The following RAD51B variants were observed in gnomAD, a reference collection of about 807,000 sequenced individuals.
The protein encoded by RAD51B is RAD51 paralog B, also known as DNA repair protein RAD51 homolog 2.
A neutral mutation model predicts 42.2 loss-of-function variants in RAD51B; 38 were observed. The observed-to-expected ratio is 0.90, with a 90% CI of 0.70 to 1.18. The LOEUF is 1.18. Ranked by LOEUF, RAD51B falls within the 50% of genes most tolerant of loss-of-function variation. The pLI is 0.00. For synonymous variants in RAD51B, 154 were observed against 145.2 expected, an observed-to-expected ratio of 1.06 and a Z score of -0.43; for missense variants, 373 against 400.7, an observed-to-expected ratio of 0.93 and a Z score of 0.59.
intron 7 of RAD51B, among the ~76,000 whole-genome samples, chr14:68,118,303 T>C (rs2077584363): frequency 6.6e-6 from 1 of 152,208 alleles, no homozygotes; most frequent in Admixed American, 6.5e-5. Context: ...TTTAAATTTC[T>C]CCAATTTTCC....
At chr14:68,057,958 G>A (rs1412579016) in intron 7 of RAD51B, among the ~76,000 whole-genome samples, 2 of 151,600 alleles carry the variant, frequency 1.3e-5, no homozygotes, top group Non-Finnish European at 2.9e-5. Context: ...CTTTATAGTT[G>A]TATTTTTCTT....
intron 10 of RAD51B, among the ~76,000 whole-genome samples, chr14:68,523,144 G>A (rs1254273831): frequency 6.6e-6 from 1 of 152,202 alleles, no homozygotes; most frequent in Non-Finnish European, 1.5e-5. Flanking sequence ...CTTGGTCCCT[G>A]AAGTTCTTCC....
chr14:68,096,028 C>T (rs1159777995), intron 7 of RAD51B, among the ~76,000 whole-genome samples: 3 of 147,942 alleles, frequency 2.0e-5, no homozygotes, highest in Non-Finnish European at 4.5e-5. Context: ...AGTGATTTTT[C>T]GAGGGCCATA....
At chr14:68,548,964 T>G (rs1292097875) in intron 10 of RAD51B, among the ~76,000 whole-genome samples, 1 of 152,124 alleles carries the variant, frequency 6.6e-6, no homozygotes, top group Non-Finnish European at 1.5e-5. Context: ...ACCCCTTTGT[T>G]GAATAAAGAC....
At chr14:68,457,926 A>C (rs2085744296) in intron 9 of RAD51B, among the ~76,000 whole-genome samples, 1 of 150,270 alleles carries the variant, frequency 6.7e-6, no homozygotes, top group South Asian at 2.1e-4. Context: ...GGAATTATTA[A>C]CACTTTCAAA....
At chr14:68,066,594 T>C (rs528139542) in intron 7 of RAD51B, among the ~76,000 whole-genome samples, 7 of 152,218 alleles carry the variant, frequency 4.6e-5, no homozygotes, top group Non-Finnish European at 8.8e-5. Context: ...TACAGAAACA[T>C]ATTAGTCTTT....
intron 8 of RAD51B, among the ~76,000 whole-genome samples, chr14:68,295,451 G>A (rs2081595626): frequency 6.6e-6 from 1 of 152,176 alleles, no homozygotes; most frequent in South Asian, 2.1e-4. Flanking sequence ...GCGTGAGAGA[G>A]CACCTCCCAT....
chr14:68,175,071 A>G (rs2588815), intron 7 of RAD51B, among the ~76,000 whole-genome samples: 125,853 of 152,146 alleles, frequency 0.83, 52,263 homozygotes, highest in East Asian at 0.98. Flanking sequence ...TCAAACTATC[A>G]ATGACATAAA....
At chr14:68,630,563 G>A (rs948830653) in intron 10 of RAD51B, among the ~76,000 whole-genome samples, 2 of 152,184 alleles carry the variant, frequency 1.3e-5, no homozygotes, top group African/African-American at 2.4e-5. Flanking sequence ...TTTGTGATGC[G>A]ATACTAGCTG....
chr14:68,310,529 G>T (rs1403085615), intron 8 of RAD51B, among the ~76,000 whole-genome samples: 1 of 152,126 alleles, frequency 6.6e-6, no homozygotes, highest in Non-Finnish European at 1.5e-5. Flanking sequence ...AGGGTGTGAG[G>T]GGGAAGGGGG....
intron 7 of RAD51B, among the ~76,000 whole-genome samples, chr14:68,210,100 C>T (rs1041470271): frequency 6.6e-6 from 1 of 152,030 alleles, no homozygotes; most frequent in Non-Finnish European, 1.5e-5. Flanking sequence ...GCTAGGACAA[C>T]AGGCGTACGC....
At chr14:68,391,675 G>A (rs909117285) in intron 8 of RAD51B, among the ~76,000 whole-genome samples, 15 of 151,844 alleles carry the variant, frequency 9.9e-5, no homozygotes, top group Non-Finnish European at 2.1e-4. Flanking sequence ...GACTTTCAGG[G>A]GATATCTATT....
At chr14:67,893,495 C>G (rs868650185) in intron 7 of RAD51B, among the ~76,000 whole-genome samples, 17 of 77,608 alleles carry the variant, frequency 2.2e-4, no homozygotes, top group South Asian at 8.0e-4. Flanking sequence ...CACACACACA[C>G]ACACACACAC....
intron 7 of RAD51B, among the ~76,000 whole-genome samples, chr14:67,980,039 T>A (rs911544250): frequency 6.6e-6 from 1 of 152,180 alleles, no homozygotes; most frequent in African/African-American, 2.4e-5. Context: ...GAATTAATGG[T>A]TTTATCTTTG....
At chr14:68,587,909 G>A (rs904724191) in intron 10 of RAD51B, among the ~76,000 whole-genome samples, 1 of 152,230 alleles carries the variant, frequency 6.6e-6, no homozygotes, top group Non-Finnish European at 1.5e-5. Context: ...GGCAGACATG[G>A]TGCATTTAAA....
Position 67,868,978 on chromosome 14 carries a change from G to A in RAD51B, c.452+3839G>A, listed in dbSNP as rs576768985. Among the ~76,000 whole-genome samples, 500 of 152,334 alleles carry A rather than the reference G, an allele frequency of 3.3e-3. 1 individual carries two copies. The highest frequency in any genetic ancestry group is 0.011 in the African/African-American group (477 of 41,574). On this transcript the variant is annotated intron_variant, in intron 5 of 10. Transcript: ENST00000471583. ...GACCAAAAGTAGATAAAACCACAAA[G>A]ATGGGGAAAAAACAGAGCAGAAAAA...
At chr14:68,384,979 A>T (rs2083561816) in intron 8 of RAD51B, among the ~76,000 whole-genome samples, 2 of 152,202 alleles carry the variant, frequency 1.3e-5, no homozygotes, top group South Asian at 2.1e-4. Flanking sequence ...GGCTGGACAG[A>T]GTTACACAGC....
chr14:67,974,829 T>C (rs1165149953), intron 7 of RAD51B, among the ~76,000 whole-genome samples: 2 of 152,244 alleles, frequency 1.3e-5, no homozygotes, highest in African/African-American at 4.8e-5. Flanking sequence ...ATATCTCTTA[T>C]AATTTTTAAT....
chr14:67,868,131 C>T (rs532298066), intron 5 of RAD51B, among the ~76,000 whole-genome samples: 17 of 152,262 alleles, frequency 1.1e-4, no homozygotes, highest in South Asian at 4.1e-4. Flanking sequence ...CCAGCATGAG[C>T]GACGCAGAAG....
Sources: gnomAD v4.1 joint callset for allele counts (sites outside exome capture counted in the v4.1 genomes callset) on GRCh38, gnomAD v4.1.1 for gene constraint, MANE v1.5 for transcripts, NCBI Gene and HGNC (gene_info 2026-07-23, HGNC 2026-07-21) for gene names.